Variants in SFXN5 observed in about 807,000 individuals in gnomAD.
SFXN5 encodes the protein sideroflexin-5.
Under a neutral mutation model 50.2 loss-of-function variants are expected in SFXN5, and 43 were observed. The ratio of observed to expected loss-of-function variants is 0.86; its 90% CI spans 0.67 to 1.11. SFXN5 has a LOEUF of 1.11. Among genes scored for constraint, SFXN5 ranks in the 50% least tolerant of loss-of-function variants. The pLI, the probability that SFXN5 is intolerant of heterozygous loss-of-function variation, is 0.00. For missense variants in SFXN5, 463 were observed against 454.1 expected, an observed-to-expected ratio of 1.02 and a Z score of -0.18; for synonymous variants, 203 against 185.8, an observed-to-expected ratio of 1.09 and a Z score of -0.75.
Position 73,059,740 on chromosome 2 carries a change from CTT to C in SFXN5, c.103-1146_103-1145del. 3 of 975,592 alleles carry C rather than the reference CTT, an allele frequency of 3.1e-6. 1 individual carries two copies. Among genetic ancestry groups the C allele is most frequent in the Non-Finnish European group, 3.6e-6 (3 of 824,348 alleles). The allele number at this position is 975,592 out of a possible 1,614,324, so 60.4% of individuals were successfully genotyped here. A position where few individuals can be genotyped will look rare whatever the true frequency, so the allele number is the denominator to read the frequency against. On this transcript the variant is annotated intron_variant, in intron 1 of 13. Transcript: ENST00000272433. ...ACAGAAACAGCTGCCTCTCTAACCT[CTT>C]ATAATCCACACAGCCCAGACCATTT...
At position 72,961,092 on chromosome 2, in the gene SFXN5, C is replaced by CCCCTA; in HGVS notation, c.945+38_945+39insTAGGG. 1 of 1,375,986 alleles carries CCCCTA rather than the reference C, an allele frequency of 7.3e-7. No individual in the cohort carries two copies. The highest frequency in any genetic ancestry group is 9.8e-7 in the Non-Finnish European group (1 of 1,020,828). The allele number at this position is 1,375,986 out of a possible 1,614,324, so 85.2% of individuals were successfully genotyped here. Reference sequence around the variant, plus strand: ...TTGTTCAGAAATCACCAAACAGCACCCCCTGCCCTGCCCTGCCCTTGAGCC... The same window carrying CCCCTA: ...TTGTTCAGAAATCACCAAACAGCACCCCCTACCCTGCCCTGCCCTGCCCTTGAGCC... On this transcript the variant is annotated intron_variant, in intron 13 of 13. Transcript: ENST00000272433. The surrounding 1 kb of genome is among the most constrained non-coding windows in gnomAD (Gnocchi z 4.4).
chr2:73,021,710 G>C (rs1277648681), intron 5 of SFXN5, among the ~76,000 whole-genome samples: 1 of 152,148 alleles, frequency 6.6e-6, no homozygotes, highest in Non-Finnish European at 1.5e-5. Context: ...GCCTTCCCAA[G>C]GCAGCAGCAG....
intron 3 of SFXN5, among the ~76,000 whole-genome samples, chr2:73,032,865 T>C (rs1004734468): frequency 1.3e-5 from 2 of 152,250 alleles, no homozygotes; most frequent in African/African-American, 4.8e-5. Flanking sequence ...AATCGCATTA[T>C]ACCTCACCAT....
chr2:73,024,021 G>A lies in SFXN5; in HGVS notation c.250-807C>T, dbSNP rs185854652. Reference sequence around the variant, plus strand: ...CCGCATACGAAAGAAAACTATGACTGTAATACCAAGACCCCCATCAATTAA... The same window carrying A: ...CCGCATACGAAAGAAAACTATGACTATAATACCAAGACCCCCATCAATTAA... On this transcript the variant is annotated intron_variant, in intron 3 of 13. Transcript: ENST00000272433. Among the ~76,000 whole-genome samples, 655 of 151,888 alleles carry A rather than the reference G, an allele frequency of 4.3e-3. 8 individuals carry two copies. The highest frequency in any genetic ancestry group is 0.04 in the Admixed American group (609 of 15,258).
At chr2:73,028,854 G>C (rs1326221292) in intron 3 of SFXN5, among the ~76,000 whole-genome samples, 1 of 152,122 alleles carries the variant, frequency 6.6e-6, no homozygotes, top group East Asian at 1.9e-4. Context: ...ACATGAAAGA[G>C]GAACAGGATA....
intron 10 of SFXN5, among the ~76,000 whole-genome samples, chr2:72,982,468 G>T (rs1037926535): frequency 1.3e-5 from 2 of 152,372 alleles, no homozygotes; most frequent in African/African-American, 4.8e-5. Context: ...CAAACCTTTT[G>T]TGCCAAAGCA....
At chr2:72,993,900 C>T (rs1672905670) in intron 9 of SFXN5, among the ~76,000 whole-genome samples, 1 of 152,180 alleles carries the variant, frequency 6.6e-6, no homozygotes, top group African/African-American at 2.4e-5. Context: ...CCAGAAAACA[C>T]AGGCCCAGGA....
At chr2:72,969,227 C>T (rs1274863260) in intron 11 of SFXN5, among the ~76,000 whole-genome samples, 3 of 152,292 alleles carry the variant, frequency 2.0e-5, no homozygotes, top group East Asian at 1.9e-4. Context: ...CTGACTACCT[C>T]GGGGGTGGTG....
chr2:72,969,697 C>CTTTTTTTTTTT (rs35747238), intron 11 of SFXN5, among the ~76,000 whole-genome samples: 1 of 142,102 alleles, frequency 7.0e-6, no homozygotes, highest in Non-Finnish European at 1.5e-5. Flanking sequence ...GCCCGGCCTA[C>CTTTTTTTTTTT]TTTTTTTTTT....
At chr2:72,989,021 T>A (rs776790781) in intron 9 of SFXN5, among the ~76,000 whole-genome samples, 1 of 152,208 alleles carries the variant, frequency 6.6e-6, no homozygotes, top group Non-Finnish European at 1.5e-5. Flanking sequence ...GGCTCTTTCA[T>A]CTTTCGAGAG....
At chr2:73,004,313 G>GCACACA (rs1239165881) in intron 6 of SFXN5, among the ~76,000 whole-genome samples, 1,522 of 138,468 alleles carry the variant, frequency 0.011, 39 homozygotes, top group African/African-American at 0.041. Context: ...ATGAGTGCGC[G>GCACACA]CGCACACACA....
intron 6 of SFXN5, among the ~76,000 whole-genome samples, chr2:73,006,594 C>T (rs1674699994): frequency 6.6e-6 from 1 of 151,886 alleles, no homozygotes; most frequent in Admixed American, 6.6e-5. Context: ...TGCACTCCAG[C>T]CTGGGCGACA....
At chr2:72,993,698 C>G (rs1364543490) in intron 9 of SFXN5, among the ~76,000 whole-genome samples, 1 of 152,130 alleles carries the variant, frequency 6.6e-6, no homozygotes, top group African/African-American at 2.4e-5. Context: ...AAAGCCACCC[C>G]CTGAACACAG....
At position 72,945,234 on chromosome 2, in the gene SFXN5, C is replaced by T; in HGVS notation, c.946-135G>A. ...CCCCGTGTCCACCCCAGCCAGGGCT[C>T]ACATGCCCTACCTAGTGACACATCT... On this transcript the variant is annotated intron_variant, in intron 13 of 13. Transcript: ENST00000272433. This position sits in a 1 kb window ranked among gnomAD's most constrained non-coding sequence, Gnocchi z 5.8. 1 of 752,728 alleles carries T rather than the reference C, an allele frequency of 1.3e-6. No homozygotes were observed. The highest frequency in any genetic ancestry group is 2.3e-6 in the Non-Finnish European group (1 of 442,644). 46.6% of individuals were successfully genotyped at this position (752,728 alleles called of 1,614,324 possible). A position where few individuals can be genotyped will look rare whatever the true frequency, so the allele number is the denominator to read the frequency against.
At chr2:73,032,335 G>A (rs549354973) in intron 3 of SFXN5, among the ~76,000 whole-genome samples, 10 of 152,352 alleles carry the variant, frequency 6.6e-5, no homozygotes, top group Admixed American at 5.9e-4. Context: ...AAAATATGCA[G>A]CTTTGATCCC....
At chr2:73,069,437 T>C (rs1683417040) in intron 1 of SFXN5, among the ~76,000 whole-genome samples, 1 of 152,186 alleles carries the variant, frequency 6.6e-6, no homozygotes. Flanking sequence ...CCCAGGTTTC[T>C]GGCTGCATTG....
At chr2:73,053,170 C>T (rs1203710643) in intron 2 of SFXN5, among the ~76,000 whole-genome samples, 1 of 150,550 alleles carries the variant, frequency 6.6e-6, no homozygotes, top group Non-Finnish European at 1.5e-5. Context: ...TAAGACTCTG[C>T]CTCGAAAAAA....
At position 72,960,176 on chromosome 2, in the gene SFXN5, G is replaced by A. The variant is rs781217121; in HGVS notation, c.945+955C>T. Among the ~76,000 whole-genome samples the A allele has an allele frequency of 1.3e-5, 2 of 151,882 alleles. No homozygotes were observed. The highest frequency in any genetic ancestry group is 2.9e-5 in the Non-Finnish European group (2 of 67,978). On this transcript the variant is annotated intron_variant, in intron 13 of 13. Coordinates refer to ENST00000272433, the MANE Select transcript of SFXN5 (RefSeq NM_144579.3). This position sits in a 1 kb window ranked among gnomAD's most constrained non-coding sequence, Gnocchi z 6.1. ...CTACTTCTATCCCTCCAGCCCAGGCGTCTCTCCTCATTCCAGACCCAGAGC... is the reference window on the plus strand; with the variant it reads ...CTACTTCTATCCCTCCAGCCCAGGCATCTCTCCTCATTCCAGACCCAGAGC...
intron 9 of SFXN5, among the ~76,000 whole-genome samples, chr2:72,995,812 T>C (rs1321574226): frequency 2.6e-5 from 4 of 152,118 alleles, no homozygotes; most frequent in Non-Finnish European, 5.9e-5. Context: ...AGCCTCTTTC[T>C]TCAGAGGTTT....
Sources: gnomAD v4.1 joint callset for allele counts (sites outside exome capture counted in the v4.1 genomes callset) on GRCh38, gnomAD v4.1.1 for gene constraint, Gnocchi (gnomAD v3.1) non-coding constraint, MANE v1.5 for transcripts, NCBI Gene and HGNC (gene_info 2026-07-23, HGNC 2026-07-21) for gene names.